The following CDH12 variants were observed in gnomAD, a reference collection of about 807,000 sequenced individuals.
CDH12 encodes the protein cadherin-12.
CDH12 carries 41 observed loss-of-function variants against 74.1 expected under a neutral mutation model. That is an observed-to-expected ratio of 0.55 (90% CI 0.43 to 0.72). The LOEUF (loss-of-function observed/expected upper bound fraction) is 0.72, where lower values mean the gene tolerates loss of function less well. Among genes scored for constraint, CDH12 ranks in the 30% least tolerant of loss-of-function variants. CDH12 has a pLI of 0.00. For synonymous variants in CDH12, 399 were observed against 355.0 expected, an observed-to-expected ratio of 1.12 and a Z score of -1.39; for missense variants, 945 against 977.2, an observed-to-expected ratio of 0.97 and a Z score of 0.44.
At position 22,003,730 on chromosome 5, in the gene CDH12, A is replaced by C. The variant is rs1365571258; in HGVS notation, c.232-28345T>G. On this transcript the variant is annotated intron_variant, in intron 5 of 14. Transcript: ENST00000382254. The stretch of plus-strand genomic sequence containing the variant: ...ACTGGACTGTGAGCTTCTAAAGGGA[A>C]TATTTCCCCAAGACCCATCTTCATA... Among the ~76,000 whole-genome samples, 4 of 149,498 alleles carry C rather than the reference A, an allele frequency of 2.7e-5. No individual in the cohort carries two copies. The South Asian group carries it at 6.3e-4, about 24-fold the overall frequency.
At chr5:21,774,067 C>T (rs903698458) in intron 11 of CDH12, among the ~76,000 whole-genome samples, 5 of 152,084 alleles carry the variant, frequency 3.3e-5, no homozygotes, top group Non-Finnish European at 7.3e-5. Flanking sequence ...TGAGTGTCAA[C>T]TTGATTGGAC....
At position 22,590,140 on chromosome 5, in the gene CDH12, T is replaced by C. The variant is rs1740628555; in HGVS notation, c.-522-84776A>G. Among the ~76,000 whole-genome samples the C allele has an allele frequency of 2.0e-5, 3 of 152,188 alleles. No individual in the cohort carries two copies. In the South Asian group the frequency reaches 6.2e-4, roughly 32 times the overall value. On this transcript the variant is annotated intron_variant, in intron 1 of 14. Coordinates refer to ENST00000382254, the MANE Select transcript of CDH12 (RefSeq NM_004061.5). ...AAAATATGAGACCCCTTTTGGATAA[T>C]GTACCTAAATGATAATTTGACTTAA...
chr5:21,892,096 T>C (rs369207620), intron 6 of CDH12, among the ~76,000 whole-genome samples: 70 of 152,292 alleles, frequency 4.6e-4, no homozygotes, highest in African/African-American at 1.7e-3. Context: ...AAATAGTATT[T>C]AAATTCTGAT....
chr5:22,482,359 C>T (rs1431989606), intron 2 of CDH12, among the ~76,000 whole-genome samples: 2 of 152,104 alleles, frequency 1.3e-5, no homozygotes, highest in Non-Finnish European at 2.9e-5. Context: ...TGATCATTTG[C>T]TCTCTTGACT....
In CDH12 at chr5:22,836,223, C is replaced by CTTTTTTTTTTTTTTTTT. The variant is rs61616737; in HGVS notation, c.-523+16818_-523+16834dup. ...TTTTTTTCTTTTTTTCTTTCTTTCT[C>CTTTTTTTTTTTTTTTTT]TTTTTTTTTTTTTTTTTTGAGACAG... On this transcript the variant is annotated intron_variant, in intron 1 of 14. Transcript: ENST00000382254. Among the ~76,000 whole-genome samples, 370 of 65,502 alleles carry CTTTTTTTTTTTTTTTTT rather than the reference C, an allele frequency of 5.6e-3. 75 individuals carry two copies. Among genetic ancestry groups the CTTTTTTTTTTTTTTTTT allele is most frequent in the African/African-American group, 0.01 (167 of 16,092 alleles). 43.0% of individuals were successfully genotyped at this position (65,502 alleles called of 152,430 possible).
Position 22,465,893 on chromosome 5 carries a change from A to G in CDH12, c.-428+39377T>C, listed in dbSNP as rs114304264. ...AATAGCTCACTCTCTGCATCTACAT[A>G]TGTCTACCAGAATTTATTCTTTCCA... On this transcript the variant is annotated intron_variant, in intron 2 of 14. Coordinates refer to ENST00000382254, the MANE Select transcript of CDH12 (RefSeq NM_004061.5). 9.7e-3 allele frequency among the ~76,000 whole-genome samples: 1,476 copies of G among 152,238 alleles called. 23 individuals carry two copies. The highest frequency in any genetic ancestry group is 0.033 in the African/African-American group (1,386 of 41,526).
intron 6 of CDH12, among the ~76,000 whole-genome samples, chr5:21,894,992 C>T (rs1167949184): frequency 2.1e-5 from 3 of 146,264 alleles, no homozygotes; most frequent in African/African-American, 5.0e-5. Context: ...TACTTTTGCA[C>T]CAACTAATAC....
At chr5:22,824,484 A>G (rs1749903846) in intron 1 of CDH12, among the ~76,000 whole-genome samples, 1 of 152,148 alleles carries the variant, frequency 6.6e-6, no homozygotes, top group African/African-American at 2.4e-5. Context: ...ATAAATAAAT[A>G]AAAATCCAAT....
intron 7 of CDH12, among the ~76,000 whole-genome samples, chr5:21,844,947 C>T (rs1390192997): frequency 1.3e-5 from 2 of 151,976 alleles, no homozygotes; most frequent in African/African-American, 4.8e-5. Context: ...AAATGTCCTG[C>T]TGTATCTTAA....
chr5:22,186,301 T>C (rs2150341902), intron 4 of CDH12, among the ~76,000 whole-genome samples: 1 of 152,280 alleles, frequency 6.6e-6, no homozygotes, highest in South Asian at 2.1e-4. Context: ...TACCAAGTCC[T>C]TCACCCACTT....
intron 10 of CDH12, among the ~76,000 whole-genome samples, chr5:21,798,649 C>A (rs887104302): frequency 6.6e-6 from 1 of 151,308 alleles, no homozygotes; most frequent in African/African-American, 2.5e-5. Context: ...AGGATTAGTG[C>A]CCTTCTAACC....
At chr5:22,587,090 C>T (rs1740442509) in intron 1 of CDH12, among the ~76,000 whole-genome samples, 1 of 152,016 alleles carries the variant, frequency 6.6e-6, no homozygotes, top group Non-Finnish European at 1.5e-5. Context: ...CCCGTCTTGG[C>T]CTCCCAAAGT....
At chr5:22,656,059 A>G (rs1017106383) in intron 1 of CDH12, among the ~76,000 whole-genome samples, 2 of 152,024 alleles carry the variant, frequency 1.3e-5, no homozygotes, top group Non-Finnish European at 2.9e-5. Context: ...TTTTGTTGTT[A>G]AATGTTGGGG....
At chr5:22,422,353 T>C (rs1165033944) in intron 2 of CDH12, among the ~76,000 whole-genome samples, 2 of 152,090 alleles carry the variant, frequency 1.3e-5, no homozygotes, top group African/African-American at 2.4e-5. Context: ...AATTATGCAG[T>C]TTTTTTCTTT....
intron 1 of CDH12, among the ~76,000 whole-genome samples, chr5:22,713,193 T>A (rs1743381407): frequency 7.7e-6 from 1 of 130,418 alleles, no homozygotes; most frequent in African/African-American, 2.9e-5. Flanking sequence ...CCATCTGGAG[T>A]GCAGTGGTAC....
intron 5 of CDH12, among the ~76,000 whole-genome samples, chr5:22,035,519 A>C (rs1739112075): frequency 6.6e-6 from 1 of 152,066 alleles, no homozygotes. Flanking sequence ...TTTATTATTT[A>C]ATACAATAAA....
At chr5:22,312,015 C>T (rs946214838) in intron 3 of CDH12, among the ~76,000 whole-genome samples, 1 of 151,918 alleles carries the variant, frequency 6.6e-6, no homozygotes, top group Non-Finnish European at 1.5e-5. Flanking sequence ...AAAATGGAAG[C>T]TAAAAATAAT....
chr5:22,100,347 A>G (rs1357909352), intron 4 of CDH12, among the ~76,000 whole-genome samples: 1 of 152,160 alleles, frequency 6.6e-6, no homozygotes, highest in Non-Finnish European at 1.5e-5. Flanking sequence ...CTGAATTATA[A>G]TTTTTCAAAT....
intron 3 of CDH12, among the ~76,000 whole-genome samples, chr5:22,393,434 C>A (rs192223729): frequency 1.4e-4 from 21 of 152,182 alleles, no homozygotes; most frequent in Non-Finnish European, 2.5e-4. Flanking sequence ...ATATATTTAT[C>A]TTGTTTTAAC....
Sources: gnomAD v4.1 joint callset for allele counts (sites outside exome capture counted in the v4.1 genomes callset) on GRCh38, gnomAD v4.1.1 for gene constraint, MANE v1.5 for transcripts, NCBI Gene and HGNC (gene_info 2026-07-23, HGNC 2026-07-21) for gene names.